RGS12: variants seen among roughly 807,000 people sequenced by gnomAD.
The protein encoded by RGS12 is regulator of G-protein signaling 12.
Under a neutral mutation model 120.1 loss-of-function variants are expected in RGS12, and 66 were observed. That is an observed-to-expected ratio of 0.55 (90% CI 0.45 to 0.67). The LOEUF is 0.67. Among genes scored for constraint, RGS12 ranks in the 30% least tolerant of loss-of-function variants. The probability of loss-of-function intolerance (pLI) is 0.00; values close to 1 mark genes in which losing one functional copy is unlikely to be tolerated. For missense variants in RGS12, 1,859 were observed against 1,957.7 expected (o/e 0.95, Z 0.95); for synonymous variants, 827 against 804.7 (o/e 1.03, Z -0.47).
chr4:3,404,934 C>T (rs562548635), intron 4 of RGS12, among the ~76,000 whole-genome samples: 2 of 152,202 alleles, frequency 1.3e-5, no homozygotes, highest in African/African-American at 4.8e-5. Context: ...GAAAATAAGG[C>T]AGTGCTTAAG....
intron 2 of RGS12, among the ~76,000 whole-genome samples, chr4:3,320,319 G>T (rs4411929): frequency 6.6e-6 from 1 of 152,232 alleles, no homozygotes; most frequent in Non-Finnish European, 1.5e-5. Flanking sequence ...CCAGCCTTGG[G>T]CTTCTTTGCA....
At chr4:3,384,264 C>T (rs1718579855) in intron 3 of RGS12, among the ~76,000 whole-genome samples, 1 of 152,142 alleles carries the variant, frequency 6.6e-6, no homozygotes. Context: ...AAGCGATTCT[C>T]CTGCCTCAGC....
At chr4:3,408,481 G>GTC (rs1411071855) in intron 4 of RGS12, among the ~76,000 whole-genome samples, 6 of 152,166 alleles carry the variant, frequency 3.9e-5, no homozygotes, top group Admixed American at 1.3e-4. Flanking sequence ...CATGAATTTT[G>GTC]TCCAGATGGA....
At position 3,434,964 on chromosome 4, in the gene RGS12, A is replaced by T. The variant is rs185953372; in HGVS notation, c.4114+4009A>T. On this transcript the variant is annotated intron_variant, in intron 17 of 17. Transcript: ENST00000336727. ...GCCTGACTGAGCTCCTGGTGCAGAC[A>T]TCCCAAGAGGATGGACTCCACCTGC... Among the ~76,000 whole-genome samples, 617 of 152,192 alleles carry T rather than the reference A, an allele frequency of 4.1e-3. 23 individuals are homozygous for T. Among genetic ancestry groups the T allele is most frequent in the Admixed American group, 0.037 (570 of 15,300 alleles).
intron 4 of RGS12, among the ~76,000 whole-genome samples, chr4:3,398,911 T>G (rs1438049714): frequency 6.6e-6 from 1 of 152,174 alleles, no homozygotes; most frequent in Non-Finnish European, 1.5e-5. Flanking sequence ...TTGCTACAAA[T>G]TTAAAAAAAT....
chr4:3,423,772 G>T (rs1230142685), intron 13 of RGS12, 131 bp downstream of exon 13: 6 of 1,181,184 alleles, frequency 5.1e-6, no homozygotes, highest in Non-Finnish European at 4.7e-6. Flanking sequence ...GTCCCCCTTG[G>T]AGGAGAGGAG....
At chr4:3,381,600 G>C (rs1718262537) in intron 3 of RGS12, among the ~76,000 whole-genome samples, 1 of 152,202 alleles carries the variant, frequency 6.6e-6, no homozygotes, top group South Asian at 2.1e-4. Flanking sequence ...CTGAGCAAAA[G>C]AGGGACTAAC....
intron 3 of RGS12, among the ~76,000 whole-genome samples, chr4:3,346,908 G>A (rs1159570420): frequency 2.0e-5 from 3 of 152,082 alleles, no homozygotes; most frequent in African/African-American, 7.2e-5. Context: ...TTCTATGCAC[G>A]TTCTCAAATT....
At chr4:3,328,350 A>G (rs1725700022) in intron 2 of RGS12, among the ~76,000 whole-genome samples, 1 of 152,234 alleles carries the variant, frequency 6.6e-6, no homozygotes, top group Non-Finnish European at 1.5e-5. Flanking sequence ...CAGTCTATGC[A>G]TGTATAGTAA....
intron 3 of RGS12, among the ~76,000 whole-genome samples, chr4:3,377,776 G>A (rs563642325): frequency 6.6e-6 from 1 of 152,332 alleles, no homozygotes; most frequent in East Asian, 1.9e-4. Context: ...TGTCAGCTGA[G>A]CTGCCGCGTT....
At chr4:3,429,326 A>G (rs1213388689) in intron 16 of RGS12, among the ~76,000 whole-genome samples, 1 of 152,236 alleles carries the variant, frequency 6.6e-6, no homozygotes, top group African/African-American at 2.4e-5. Flanking sequence ...AACAGAGTCA[A>G]AACCAGCAGC....
At chr4:3,323,398 G>A (rs1051534079) in intron 2 of RGS12, among the ~76,000 whole-genome samples, 4 of 152,222 alleles carry the variant, frequency 2.6e-5, no homozygotes, top group Non-Finnish European at 4.4e-5. Context: ...GCTCCGCGCG[G>A]GGAGCTGCAG....
At chr4:3,349,120 G>A (rs966017888) in intron 3 of RGS12, among the ~76,000 whole-genome samples, 8 of 152,120 alleles carry the variant, frequency 5.3e-5, no homozygotes, top group Non-Finnish European at 1.0e-4. Context: ...AAGCGACCAC[G>A]TTTTTTGCTT....
At chr4:3,309,977 C>CT (rs1724265426) in intron 1 of RGS12, among the ~76,000 whole-genome samples, 1 of 97,912 alleles carries the variant, frequency 1.0e-5, no homozygotes, top group Admixed American at 9.8e-5. Flanking sequence ...AGCTGGGACC[C>CT]GGGAATGGCA....
At chr4:3,402,564 G>C (rs1180628353) in intron 4 of RGS12, among the ~76,000 whole-genome samples, 1 of 152,132 alleles carries the variant, frequency 6.6e-6, no homozygotes, top group African/African-American at 2.4e-5. Context: ...CTTGAGGGAA[G>C]GGTTTAGGAC....
chr4:3,384,475 T>C lies in RGS12; in HGVS notation c.1999-1941T>C, dbSNP rs557277130. On this transcript the variant is annotated intron_variant, in intron 3 of 17. Transcript: ENST00000336727. ...AGCCTTCCTGTGATATTATTTAGAT[T>C]GCGACATGATTGTGGATGATTTATT... is the stretch of plus-strand genomic sequence containing the variant. Among the ~76,000 whole-genome samples the C allele has an allele frequency of 2.0e-5, 3 of 152,332 alleles. No individual in the cohort carries two copies. The South Asian group carries it at 6.2e-4, about 32-fold the overall frequency.
At position 3,366,074 on chromosome 4, in the gene RGS12, C is replaced by T. The variant is rs1716270413; in HGVS notation, c.1999-20342C>T. On this transcript the variant is annotated intron_variant, in intron 3 of 17. Coordinates refer to ENST00000336727, the MANE Select transcript of RGS12 (RefSeq NM_001394154.1). The surrounding 1 kb of genome is among the most constrained non-coding windows in gnomAD (Gnocchi z 4.0). ...CGGCTGTGAGCAGCTGCAGGCCAGGCAGTGGTGGGACCTCATCTGGGGGGT... is the reference window on the plus strand; with the variant it reads ...CGGCTGTGAGCAGCTGCAGGCCAGGTAGTGGTGGGACCTCATCTGGGGGGT... Among the ~76,000 whole-genome samples the T allele has an allele frequency of 6.6e-6, 1 of 152,044 alleles. No homozygotes were observed. Among genetic ancestry groups the T allele is most frequent in the Non-Finnish European group, 1.5e-5 (1 of 68,010 alleles).
At position 3,396,645 on chromosome 4, in the gene RGS12, C is replaced by G. The variant is rs1720071970; in HGVS notation, c.2020+10208C>G. ...CTGTTTGTCTATCATTGGATCAGGA[C>G]TTCATGTCGTAATTCTCGTCCCTGG... On this transcript the variant is annotated intron_variant, in intron 4 of 17. Transcript: ENST00000336727. Among the ~76,000 whole-genome samples the G allele has an allele frequency of 2.0e-5, 3 of 152,150 alleles. No homozygotes were observed. In the South Asian group the frequency reaches 6.2e-4, roughly 32 times the overall value.
At chr4:3,339,613 T>C (rs867276622) in intron 2 of RGS12, among the ~76,000 whole-genome samples, 3 of 152,212 alleles carry the variant, frequency 2.0e-5, no homozygotes, top group Non-Finnish European at 1.5e-5. Context: ...CTACAGTGCA[T>C]AGCTGGGGAG....
Sources: gnomAD v4.1 joint callset for allele counts (sites outside exome capture counted in the v4.1 genomes callset) on GRCh38, gnomAD v4.1.1 for gene constraint, Gnocchi (gnomAD v3.1) non-coding constraint, MANE v1.5 for transcripts, NCBI Gene and HGNC (gene_info 2026-07-23, HGNC 2026-07-21) for gene names.